WNK2: variants seen among roughly 807,000 people sequenced by gnomAD.
WNK2 encodes the protein serine/threonine-protein kinase WNK2.
Under a neutral mutation model 192.1 loss-of-function variants are expected in WNK2, and 67 were observed. The observed-to-expected ratio is 0.35, with a 90% CI of 0.29 to 0.43. WNK2 has a LOEUF of 0.43. Among genes scored for constraint, WNK2 ranks in the 20% least tolerant of loss-of-function variants. WNK2 has a pLI of 1.00. For synonymous variants in WNK2, 1,439 were observed against 1,393.9 expected (o/e 1.03, Z -0.72); for missense variants, 2,698 against 3,089.7 (o/e 0.87, Z 3.01).
At chr9:93,278,720 A>G (rs1847301094) in intron 19 of WNK2, among the ~76,000 whole-genome samples, 2 of 152,352 alleles carry the variant, frequency 1.3e-5, no homozygotes, top group Non-Finnish European at 2.9e-5. Context: ...ACAGGACAAC[A>G]TAAGAAAAAC....
chr9:93,275,163 C>A (rs945422169), intron 19 of WNK2, among the ~76,000 whole-genome samples: 1 of 152,170 alleles, frequency 6.6e-6, no homozygotes, highest in Non-Finnish European at 1.5e-5. Context: ...AACATATGAT[C>A]ATAACAGTTG....
At chr9:93,317,875 G>A in intron 29 of WNK2, 1 of 1,562,292 alleles carries the variant, frequency 6.4e-7, no homozygotes, top group African/African-American at 1.3e-5. Context: ...CTTGCCAGAT[G>A]GCGCCCTCGG....
intron 16 of WNK2, among the ~76,000 whole-genome samples, chr9:93,267,406 TC>T (rs1277545205): frequency 1.3e-5 from 2 of 152,024 alleles, no homozygotes; most frequent in African/African-American, 4.8e-5. Flanking sequence ...CTCTTCCCAG[TC>T]CCCGTCCTCG....
chr9:93,298,734 A>C (rs1038844620), intron 24 of WNK2, among the ~76,000 whole-genome samples: 65 of 152,236 alleles, frequency 4.3e-4, no homozygotes. Context: ...ACAGCCATGA[A>C]TTATACCCAT....
At chr9:93,282,646 T>G (rs1333494088) in intron 19 of WNK2, among the ~76,000 whole-genome samples, 1 of 152,182 alleles carries the variant, frequency 6.6e-6, no homozygotes, top group African/African-American at 2.4e-5. Context: ...GATATAATAA[T>G]TTAATGTTTG....
chr9:93,303,644 T>A lies in WNK2; in HGVS notation c.6215-3133T>A, dbSNP rs141369770. Among the ~76,000 whole-genome samples, 410 of 152,280 alleles carry A rather than the reference T, an allele frequency of 2.7e-3. 1 individual carries two copies. Among genetic ancestry groups the A allele is most frequent in the African/African-American group, 9.3e-3 (388 of 41,570 alleles). The stretch of plus-strand genomic sequence containing the variant: ...GCACTGCGCCCACCAGGCCCTGACC[T>A]CTGCAGCCAGGGTGGTCAGTGCTGC... On this transcript the variant is annotated intron_variant, in intron 26 of 29. Coordinates refer to ENST00000427277, the MANE Select transcript of WNK2 (RefSeq NM_006648.4).
intron 2 of WNK2, among the ~76,000 whole-genome samples, chr9:93,187,543 A>G (rs1360774178): frequency 6.6e-6 from 1 of 152,106 alleles, no homozygotes; most frequent in Non-Finnish European, 1.5e-5. Context: ...GTTTTCCATG[A>G]GAGGGAGTCT....
chr9:93,217,273 AAG>A (rs1420328833), intron 2 of WNK2, among the ~76,000 whole-genome samples: 39 of 152,188 alleles, frequency 2.6e-4, no homozygotes, highest in African/African-American at 8.9e-4. Context: ...ATCTTTTAAG[AAG>A]ATACTACGCC....
chr9:93,306,986 C>G (rs1279097498), intron 27 of WNK2, 165 bp downstream of exon 27: 1 of 821,048 alleles, frequency 1.2e-6, no homozygotes, highest in Non-Finnish European at 2.0e-6. Flanking sequence ...TTCTGCCTGG[C>G]GGGATCGCTG....
chr9:93,306,680 T>C, intron 26 of WNK2, 97 bp from the exon 27 acceptor site: 2 of 1,492,902 alleles, frequency 1.3e-6, no homozygotes, highest in Non-Finnish European at 1.9e-6. Flanking sequence ...TGCCCCTCCC[T>C]GCACACTGAC....
At chr9:93,246,128 A>G (rs1841638317) in intron 7 of WNK2, among the ~76,000 whole-genome samples, 1 of 152,130 alleles carries the variant, frequency 6.6e-6, no homozygotes, top group Admixed American at 6.5e-5. Flanking sequence ...GAGTCTGTGG[A>G]CATGTCCTTC....
Position 93,238,264 on chromosome 9 carries a change from A to C in WNK2, c.1265A>C (p.His422Pro). The change falls in exon 6 of 30, where the codon CAC (histidine) becomes CCC (proline). Residue 422 changes from histidine (H) to proline (P), a missense_variant. His to Pro is a moderately conservative substitution (Grantham distance 77). Around this residue, in one of 7 missense-constraint regions of WNK2, gnomAD observed 230 missense variants for 501.1 expected, o/e 0.46. Transcript: ENST00000427277. ...AAGCCGGCCAGCTTTGAGAAAGTGC[A>C]CGATCCTGAAATCAAGGAGATTATT... ...GIKPASFEKV[H>P]DPEIKEIIGE... 6.2e-7 allele frequency: 1 copy of C among 1,614,010 alleles called. No homozygotes were observed. Among genetic ancestry groups the C allele is most frequent in the Non-Finnish European group, 8.5e-7 (1 of 1,179,890 alleles).
chr9:93,234,385 C>G (rs1417904444), intron 4 of WNK2, among the ~76,000 whole-genome samples: 1 of 152,192 alleles, frequency 6.6e-6, no homozygotes, highest in Non-Finnish European at 1.5e-5. Context: ...CTTTAGGTAG[C>G]TCCGTAGCAA....
rs975952753 is a variant in WNK2, at chr9:93,317,588, G to A, written c.6585G>A (p.Thr2195=). ...LPPAPGPLST[T]VIPGAAPTLS... is the part of the protein sequence containing the mutation. Reference sequence around the variant, plus strand: ...CAGCGCCCGGCCCTCTGTCCACCACGGTCATTCCCGGAGCCGCCCCGACCC... The same window carrying A: ...CAGCGCCCGGCCCTCTGTCCACCACAGTCATTCCCGGAGCCGCCCCGACCC... The change falls in exon 29 of 30, where the codon ACG becomes ACA. Residue 2195 remains threonine (T), a synonymous_variant. Coordinates refer to ENST00000427277, the MANE Select transcript of WNK2 (RefSeq NM_006648.4). 37 of 1,613,168 alleles carry A rather than the reference G, an allele frequency of 2.3e-5. No individual in the cohort carries two copies. Among genetic ancestry groups the A allele is most frequent in the Middle Eastern group, 1.6e-4 (1 of 6,084 alleles).
At chr9:93,261,108 C>T (rs192615724) in intron 12 of WNK2, among the ~76,000 whole-genome samples, 1 of 152,250 alleles carries the variant, frequency 6.6e-6, no homozygotes, top group African/African-American at 2.4e-5. Context: ...AAGTGGTTAC[C>T]TGCTAGGCTG....
At chr9:93,211,241 T>C (rs200550667) in intron 2 of WNK2, among the ~76,000 whole-genome samples, 3 of 4,494 alleles carry the variant, frequency 6.7e-4, no homozygotes, top group Middle Eastern at 0.12. Context: ...CACTCACTCA[T>C]TCACTCACTC....
chr9:93,198,210 G>T (rs1447809903), intron 2 of WNK2, among the ~76,000 whole-genome samples: 1 of 152,202 alleles, frequency 6.6e-6, no homozygotes, highest in African/African-American at 2.4e-5. Context: ...CCTCAGGATC[G>T]CCCAGCTCCC....
chr9:93,195,845 G>A (rs1384580832), intron 2 of WNK2, among the ~76,000 whole-genome samples: 1 of 152,054 alleles, frequency 6.6e-6, no homozygotes, highest in Admixed American at 6.6e-5. Context: ...TACAGCTGCA[G>A]TTCAGGGTGT....
chr9:93,263,039 G>A (rs2133007658), intron 14 of WNK2, among the ~76,000 whole-genome samples: 1 of 152,332 alleles, frequency 6.6e-6, no homozygotes, highest in African/African-American at 2.4e-5. Flanking sequence ...GGGGCTGGGA[G>A]GGTGGCCCCC....
Sources: allele counts gnomAD v4.1 joint callset (sites outside exome capture counted in the v4.1 genomes callset), GRCh38; gene constraint gnomAD v4.1.1; regional missense constraint gnomAD v4.1.1; transcripts MANE v1.5; gene names NCBI Gene and HGNC (gene_info 2026-07-23, HGNC 2026-07-21).